Variants in PIWIL4 observed in about 807,000 individuals in gnomAD.
PIWIL4 encodes the protein piwi like RNA-mediated gene silencing 4.
PIWIL4 carries 50 observed loss-of-function variants against 100.9 expected under a neutral mutation model. The ratio of observed to expected loss-of-function variants is 0.50; its 90% CI spans 0.39 to 0.63. The LOEUF (loss-of-function observed/expected upper bound fraction) is 0.63. PIWIL4 is among the 20% of genes least tolerant of loss of function. PIWIL4 has a pLI of 0.00. For missense variants in PIWIL4, 887 were observed against 1,043.3 expected (o/e 0.85, Z 2.06); for synonymous variants, 342 against 367.5 (o/e 0.93, Z 0.79).
chr11:94,570,396 C>T (rs1948135127), intron 2 of PIWIL4, among the ~76,000 whole-genome samples: 1 of 151,870 alleles, frequency 6.6e-6, no homozygotes, highest in Non-Finnish European at 1.5e-5. Context: ...ATGATCTTTC[C>T]TTTGCATTTC....
chr11:94,589,095 AT>A, intron 7 of PIWIL4, 25 bp from the exon 8 acceptor site: 1 of 1,543,668 alleles, frequency 6.5e-7, no homozygotes, highest in Non-Finnish European at 8.9e-7. Flanking sequence ...TTAAAAAACA[AT>A]TTAAAGACTT....
intron 7 of PIWIL4, among the ~76,000 whole-genome samples, chr11:94,587,481 C>G (rs150925253): frequency 4.7e-4 from 72 of 152,284 alleles, no homozygotes; most frequent in African/African-American, 1.7e-3. Flanking sequence ...CCTAATGCCA[C>G]TCTCTATTCT....
At chr11:94,587,406 G>A (rs769308525) in intron 7 of PIWIL4, among the ~76,000 whole-genome samples, 159 bp downstream of exon 7, 1 of 152,320 alleles carries the variant, frequency 6.6e-6, no homozygotes, top group East Asian at 1.9e-4. Flanking sequence ...GAGTTCACAT[G>A]TCCTTGTGTG....
Position 94,619,755 on chromosome 11 carries a change from T to G in PIWIL4, c.2169-5T>G, listed in dbSNP as rs369697809. On this transcript the variant is annotated splice_region_variant and splice_polypyrimidine_tract_variant and intron_variant, in intron 17 of 19. Coordinates refer to ENST00000299001, the MANE Select transcript of PIWIL4 (RefSeq NM_152431.3). The stretch of plus-strand genomic sequence containing the variant: ...CTTTTCATATTTTGCCTCTCTAATT[T>G]TTAGCTCAAGACTGTCGGTGATTGT... The G allele has an allele frequency of 2.7e-5, 44 of 1,609,216 alleles. No individual in the cohort carries two copies. The highest frequency in any genetic ancestry group is 3.6e-5 in the Non-Finnish European group (43 of 1,178,698).
At chr11:94,592,046 G>C (rs1213030607) in intron 8 of PIWIL4, among the ~76,000 whole-genome samples, 1 of 152,102 alleles carries the variant, frequency 6.6e-6, no homozygotes, top group Non-Finnish European at 1.5e-5. Flanking sequence ...TTTTCTTCAA[G>C]GTCCTCTCTT....
intron 2 of PIWIL4, among the ~76,000 whole-genome samples, chr11:94,569,499 C>T (rs577416516): frequency 2.0e-4 from 31 of 152,306 alleles, no homozygotes; most frequent in African/African-American, 7.5e-4. Flanking sequence ...CTGCCTCAAC[C>T]TCCCAAGTAG....
rs747731923 is a variant in PIWIL4 at position 94,597,843 on chromosome 11, G to A, written c.1308G>A (p.Leu436=). The change falls in exon 11 of 20, where the codon CTG becomes CTA. Residue 436 remains leucine, a synonymous_variant. Transcript: ENST00000299001. ...GCTTTGAACTAGAGACCTGGGGACT[G>A]CATTTTGGAAGCCAGATATCTCTGA... The part of the protein sequence containing the change: ...NARFELETWG[L]HFGSQISLTG... 6.2e-7 allele frequency: 1 copy of A among 1,613,922 alleles called. No individual in the cohort carries two copies. The highest frequency in any genetic ancestry group is 8.5e-7 in the Non-Finnish European group (1 of 1,179,934).
intron 12 of PIWIL4, 96 bp from the exon 13 acceptor site, chr11:94,603,884 AGTTT>A (rs1948680002): frequency 1.4e-5 from 10 of 693,222 alleles, no homozygotes; most frequent in Non-Finnish European, 2.1e-5. Context: ...TAAAACTACT[AGTTT>A]GTTATGAAAA....
In PIWIL4 at chr11:94,620,894, G is replaced by A. The variant is rs757414609; in HGVS notation, c.2461G>A (p.Ala821Thr). 1.2e-5 allele frequency: 19 copies of A among 1,613,630 alleles called. No individual in the cohort carries two copies. The Middle Eastern group carries it at 2.3e-3, about 196-fold the overall frequency. Reference sequence around the variant, plus strand: ...TCCTCAGGGCATAGTCAGTGTCCCAGCACCATGTCAGTATGCTCACAAGCT... The same window carrying A: ...TCCTCAGGGCATAGTCAGTGTCCCAACACCATGTCAGTATGCTCACAAGCT... Reference protein sequence around the residue: ...YNWPGIVSVPAPCQYAHKLTF... With the variant: ...YNWPGIVSVPTPCQYAHKLTF... The change falls in exon 20 of 20, where the codon GCA becomes ACA. Residue 821 changes from alanine to threonine, a missense_variant. This residue lies in a region of PIWIL4 where 741 missense variants were observed against 930.0 expected (regional missense o/e 0.80). Coordinates refer to ENST00000299001, the MANE Select transcript of PIWIL4 (RefSeq NM_152431.3).
intron 5 of PIWIL4, among the ~76,000 whole-genome samples, chr11:94,584,964 G>T (rs1948378282): frequency 3.9e-5 from 6 of 152,216 alleles, no homozygotes. Flanking sequence ...TACTGCGGAG[G>T]CTGAGGCAAG....
chr11:94,619,932 C>T, intron 18 of PIWIL4, 47 bp downstream of exon 18: 1 of 1,614,038 alleles, frequency 6.2e-7, no homozygotes, highest in Non-Finnish European at 8.5e-7. Flanking sequence ...TTCATTGCGT[C>T]CAGTTTATGT....
intron 10 of PIWIL4, among the ~76,000 whole-genome samples, chr11:94,595,891 G>A (rs1250014948): frequency 1.3e-5 from 2 of 152,110 alleles, no homozygotes; most frequent in Non-Finnish European, 2.9e-5. Flanking sequence ...TGTGCCATCT[G>A]GTTCTGCCCA....
rs148353195 is a variant in PIWIL4 at position 94,619,880 on chromosome 11, C to T, written c.2289C>T (p.Asn763=). The T allele has an allele frequency of 1.5e-5, 25 of 1,614,080 alleles. No individual in the cohort carries two copies. Among genetic ancestry groups the T allele is most frequent in the Non-Finnish European group, 2.0e-5 (24 of 1,180,026 alleles). ...TTGTGGATTCAGAAGCAACACGTAACGAATGGCAAGTGCCGCTGGAAAATC... is the reference window on the plus strand; with the variant it reads ...TTGTGGATTCAGAAGCAACACGTAATGAATGGCAAGTGCCGCTGGAAAATC... ...GTVVDSEATR[N]EWYDFYLISQ... is the part of the protein sequence containing the mutation. Residue 763 remains asparagine (N), a synonymous_variant, in exon 18 of 20, where the codon AAC becomes AAT. Coordinates refer to ENST00000299001, the MANE Select transcript of PIWIL4 (RefSeq NM_152431.3).
intron 17 of PIWIL4, among the ~76,000 whole-genome samples, chr11:94,618,625 TTGTC>T (rs1948871291): frequency 6.6e-6 from 1 of 152,200 alleles, no homozygotes; most frequent in South Asian, 2.1e-4. Context: ...TGCTCCACTG[TTGTC>T]TGTGTTTCAG....
intron 19 of PIWIL4, 31 bp from the exon 20 acceptor site, chr11:94,620,845 T>A (rs1210070298): frequency 6.6e-7 from 1 of 1,512,552 alleles, no homozygotes; most frequent in African/African-American, 1.4e-5. Context: ...AGGTAATCTC[T>A]TAATTATTAT....
chr11:94,606,688 G>T (rs1034419223), intron 13 of PIWIL4, among the ~76,000 whole-genome samples: 1 of 152,098 alleles, frequency 6.6e-6, no homozygotes, highest in Admixed American at 6.5e-5. Flanking sequence ...GAAAAAATTA[G>T]CCGGGCGTGG....
At chr11:94,617,562 CATT>C (rs1474223650) in intron 16 of PIWIL4, among the ~76,000 whole-genome samples, 3 of 151,994 alleles carry the variant, frequency 2.0e-5, no homozygotes, top group African/African-American at 7.3e-5. Flanking sequence ...TATTTATTCT[CATT>C]AGGAAGGAAA....
chr11:94,573,812 G>T (rs1591774455), intron 2 of PIWIL4, among the ~76,000 whole-genome samples: 1 of 152,084 alleles, frequency 6.6e-6, no homozygotes, highest in East Asian at 1.9e-4. Context: ...CTTGGGAGAT[G>T]AACTTCATTT....
At chr11:94,577,182 A>G in intron 3 of PIWIL4, 96 bp from the exon 4 acceptor site, 1 of 1,005,424 alleles carries the variant, frequency 9.9e-7, no homozygotes, top group South Asian at 1.6e-5. Flanking sequence ...TAAAGCAACT[A>G]CTATGCATAG....
Sources: allele counts gnomAD v4.1 joint callset (sites outside exome capture counted in the v4.1 genomes callset), GRCh38; gene constraint gnomAD v4.1.1; regional missense constraint gnomAD v4.1.1; transcripts MANE v1.5; gene names NCBI Gene and HGNC (gene_info 2026-07-23, HGNC 2026-07-21).